The following UBXN4 variants were observed in gnomAD, a reference collection of about 807,000 sequenced individuals.
The protein encoded by UBXN4 is UBX domain protein 4.
In UBXN4, 35 loss-of-function variants were observed where a neutral mutation model predicts 66.2. That is an observed-to-expected ratio of 0.53 (90% CI 0.40 to 0.70). The LOEUF is 0.70. UBXN4 is among the 30% of genes least tolerant of loss of function. The pLI is 0.00. For synonymous variants in UBXN4, 203 were observed against 204.5 expected, an observed-to-expected ratio of 0.99 and a Z score of 0.06; for missense variants, 533 against 599.8, an observed-to-expected ratio of 0.89 and a Z score of 1.16.
chr2:135,776,657 G>A (rs1216740432), intron 10 of UBXN4, among the ~76,000 whole-genome samples: 3 of 152,158 alleles, frequency 2.0e-5, no homozygotes, highest in Non-Finnish European at 2.9e-5. Flanking sequence ...GCAGTGGTGC[G>A]ATCACAGCTC....
At chr2:135,760,459 T>C (rs2077308443) in intron 5 of UBXN4, among the ~76,000 whole-genome samples, 1 of 152,170 alleles carries the variant, frequency 6.6e-6, no homozygotes, top group African/African-American at 2.4e-5. Flanking sequence ...ATTTATATTT[T>C]ACATCTTCAA....
Position 135,741,863 on chromosome 2 carries a change from AG to A in UBXN4, c.-64del. The A allele has an allele frequency of 6.5e-7, 1 of 1,528,560 alleles. No homozygotes were observed. The highest frequency in any genetic ancestry group is 1.2e-5 in the South Asian group (1 of 83,852). 94.7% of individuals were successfully genotyped at this position (1,528,560 alleles called of 1,614,324 possible). On this transcript the variant is annotated 5_prime_UTR_variant, in exon 1 of 13. Transcript: ENST00000272638. ...GGGCCGCAGAGCCGGACGAAGACGG[AG>A]GGCGGAGCCGGCTTCGGGACTGCGG...
intron 2 of UBXN4, among the ~76,000 whole-genome samples, chr2:135,753,155 C>G (rs2077256373): frequency 6.6e-6 from 1 of 151,356 alleles, no homozygotes; most frequent in Non-Finnish European, 1.5e-5. Context: ...TCCCAAGTAG[C>G]TGGGATTACA....
chr2:135,773,535 G>A (rs992404779), intron 9 of UBXN4, among the ~76,000 whole-genome samples: 1 of 152,196 alleles, frequency 6.6e-6, no homozygotes, highest in Non-Finnish European at 1.5e-5. Flanking sequence ...GGTTGGAGGA[G>A]GTGACATGCC....
intron 2 of UBXN4, among the ~76,000 whole-genome samples, chr2:135,753,236 C>T (rs1215273396): frequency 6.6e-6 from 1 of 152,096 alleles, no homozygotes; most frequent in Non-Finnish European, 1.5e-5. Flanking sequence ...GTTGGCCAGG[C>T]TGGTCTCGAA....
Position 135,770,663 on chromosome 2 carries a change from G to A in UBXN4, c.750G>A (p.Met250Ile). 6.3e-7 allele frequency: 1 copy of A among 1,580,622 alleles called. No individual in the cohort carries two copies. Among genetic ancestry groups the A allele is most frequent in the South Asian group, 1.2e-5 (1 of 84,200 alleles). Residue 250 changes from methionine (M) to isoleucine (I), a missense_variant, in exon 8 of 13, where the codon ATG (methionine) becomes ATA (isoleucine). Coordinates refer to ENST00000272638, the MANE Select transcript of UBXN4 (RefSeq NM_014607.4). ...AAGAAGAAGAATTAACAAAAAGAATGCTGGAGGAAAGAAACAGAGAGAAAG... is the reference window on the plus strand; with the variant it reads ...AAGAAGAAGAATTAACAAAAAGAATACTGGAGGAAAGAAACAGAGAGAAAG... ...RKQEEELTKR[M>I]LEERNREKAE...
chr2:135,772,132 C>T (rs2077387060), intron 8 of UBXN4, among the ~76,000 whole-genome samples: 1 of 151,474 alleles, frequency 6.6e-6, no homozygotes, highest in Non-Finnish European at 1.5e-5. Flanking sequence ...TCAGCCTGGG[C>T]AACAAAGTGA....
At chr2:135,752,161 T>A (rs1054396304) in intron 2 of UBXN4, among the ~76,000 whole-genome samples, 1 of 152,044 alleles carries the variant, frequency 6.6e-6, no homozygotes, top group African/African-American at 2.4e-5. Flanking sequence ...AGTTCTCCTG[T>A]GTCAGCCTCC....
At chr2:135,761,434 A>G (rs2077315288) in intron 5 of UBXN4, among the ~76,000 whole-genome samples, 1 of 151,998 alleles carries the variant, frequency 6.6e-6, no homozygotes, top group African/African-American at 2.4e-5. Flanking sequence ...CTCACTTGGC[A>G]GTAACCTCAT....
chr2:135,772,298 T>C, intron 8 of UBXN4, 122 bp from the exon 9 acceptor site: 1 of 1,217,104 alleles, frequency 8.2e-7, no homozygotes, highest in Non-Finnish European at 1.1e-6. Flanking sequence ...ACTCCAGCCT[T>C]GATGACACAG....
rs1377939079 is a variant in UBXN4 at position 135,785,002 on chromosome 2, CG to C, written c.*2116del. Reference sequence around the variant, plus strand: ...ATGTAATTTTCAGAAAATTTGTATGCGTATATAAGCAAATATGTAATCTTTA... The same window carrying C: ...ATGTAATTTTCAGAAAATTTGTATGCTATATAAGCAAATATGTAATCTTTA... On this transcript the variant is annotated 3_prime_UTR_variant, in exon 13 of 13. Transcript: ENST00000272638. 1 of 152,024 alleles carries C rather than the reference CG, an allele frequency of 6.6e-6. No individual in the cohort carries two copies. The highest frequency in any genetic ancestry group is 1.5e-5 in the Non-Finnish European group (1 of 68,006). The allele number at this position is 152,024 out of a possible 1,614,324, so 9.4% of individuals were successfully genotyped here.
chr2:135,780,530 T>C, intron 12 of UBXN4, 145 bp downstream of exon 12: 3 of 765,258 alleles, frequency 3.9e-6, no homozygotes, highest in Non-Finnish European at 6.3e-6. Context: ...GCTCTGAAAC[T>C]TTATTACATC....
At chr2:135,750,835 C>CTTTTTTTTTTT (rs1166056661) in intron 2 of UBXN4, among the ~76,000 whole-genome samples, 3 of 77,472 alleles carry the variant, frequency 3.9e-5, no homozygotes, top group East Asian at 4.8e-4. Flanking sequence ...ATGTGTCTGG[C>CTTTTTTTTTTT]TTTTTTTTTT....
intron 2 of UBXN4, among the ~76,000 whole-genome samples, chr2:135,753,085 G>A (rs2077255708): frequency 7.2e-6 from 1 of 139,542 alleles, no homozygotes; most frequent in Admixed American, 7.7e-5. Context: ...GTGCAATGGT[G>A]CAATCTTGGC....
In UBXN4 at chr2:135,782,770, G is replaced by T; in HGVS notation, c.1410G>T (p.Val470=). The T allele has an allele frequency of 6.2e-7, 1 of 1,613,870 alleles. No individual in the cohort carries two copies. Among genetic ancestry groups the T allele is most frequent in the Non-Finnish European group, 8.5e-7 (1 of 1,179,892 alleles). The change falls in exon 13 of 13, where the codon GTG becomes GTT. Residue 470 remains valine (V), a synonymous_variant. Transcript: ENST00000272638. Reference sequence around the variant, plus strand: ...TCAGGGAACCAGTGAGAAAAAGAGTGCTGGAAAAACGTGGAGACGACTTTA... The same window carrying T: ...TCAGGGAACCAGTGAGAAAAAGAGTTCTGGAAAAACGTGGAGACGACTTTA... ...SEKREPVRKR[V]LEKRGDDFKK... is the part of the protein sequence containing the mutation.
At position 135,783,726 on chromosome 2, in the gene UBXN4, A is replaced by G. The variant is rs2077464603; in HGVS notation, c.*839A>G. 6.6e-6 allele frequency: 1 copy of G among 152,182 alleles called. No homozygotes were observed. Among genetic ancestry groups the G allele is most frequent in the African/African-American group, 2.4e-5 (1 of 41,436 alleles). 9.4% of individuals were successfully genotyped at this position (152,182 alleles called of 1,614,324 possible). A position where few individuals can be genotyped will look rare whatever the true frequency, so the allele number is the denominator to read the frequency against. On this transcript the variant is annotated 3_prime_UTR_variant, in exon 13 of 13. Coordinates refer to ENST00000272638, the MANE Select transcript of UBXN4 (RefSeq NM_014607.4). ...AACCTAGTTTTCCCTCTCACCTTTAACTGACGTTTTGTCCTCAATAATTAC... is the reference window on the plus strand; with the variant it reads ...AACCTAGTTTTCCCTCTCACCTTTAGCTGACGTTTTGTCCTCAATAATTAC...
In UBXN4 at chr2:135,782,663, T is replaced by C. The variant is rs532229005; in HGVS notation, c.1389-86T>C. The C allele has an allele frequency of 4.3e-5, 65 of 1,517,348 alleles. 1 individual carries two copies. In the Admixed American group the frequency reaches 1.2e-3, roughly 29 times the overall value. 94.0% of individuals were successfully genotyped at this position (1,517,348 alleles called of 1,614,324 possible). ...GCATTAAAAGTAAAACTTAGTTGCC[T>C]GTACTGATGGAAGTTGGAAACAGCT... On this transcript the variant is annotated intron_variant, in intron 12 of 12. Transcript: ENST00000272638.
chr2:135,764,653 C>T (rs541499103), intron 6 of UBXN4, among the ~76,000 whole-genome samples: 6 of 152,196 alleles, frequency 3.9e-5, no homozygotes, highest in Non-Finnish European at 7.4e-5. Context: ...CAGGCATGCA[C>T]CACCACACCC....
intron 1 of UBXN4, chr2:135,742,754 G>A (rs1259858177): frequency 1.3e-5 from 2 of 151,992 alleles, no homozygotes; most frequent in East Asian, 1.9e-4. Context: ...CTGAATAGAG[G>A]TTTAATTTTT....
Sources: gnomAD v4.1 joint callset for allele counts (sites outside exome capture counted in the v4.1 genomes callset) on GRCh38, gnomAD v4.1.1 for gene constraint, MANE v1.5 for transcripts, NCBI Gene and HGNC (gene_info 2026-07-23, HGNC 2026-07-21) for gene names.